Variants in JDP2 observed in about 807,000 individuals in gnomAD.
JDP2 encodes the protein Jun dimerization protein 2.
In JDP2, 9 loss-of-function variants were observed where a neutral mutation model predicts 17.1. The observed-to-expected ratio is 0.53, with a 90% CI of 0.32 to 0.92. JDP2 has a LOEUF of 0.92. JDP2 is among the 40% of genes least tolerant of loss of function. The probability of loss-of-function intolerance (pLI) is 0.04; values close to 1 mark genes in which losing one functional copy is unlikely to be tolerated. For synonymous variants in JDP2, 107 were observed against 95.6 expected (o/e 1.12, Z -0.69); for missense variants, 179 against 220.0 (o/e 0.81, Z 1.18).
At chr14:75,444,528 T>C (rs1374504263) in intron 2 of JDP2, among the ~76,000 whole-genome samples, 2 of 152,194 alleles carry the variant, frequency 1.3e-5, no homozygotes, top group Admixed American at 6.5e-5. Flanking sequence ...GCTCTCTCGC[T>C]CATTCCCAGC....
At chr14:75,447,801 G>T (rs1036798415) in intron 2 of JDP2, among the ~76,000 whole-genome samples, 1 of 152,068 alleles carries the variant, frequency 6.6e-6, no homozygotes, top group Non-Finnish European at 1.5e-5. Flanking sequence ...GGGATTACAG[G>T]TGTGTACCAC....
At chr14:75,458,823 G>T (rs1397748684) in intron 2 of JDP2, among the ~76,000 whole-genome samples, 1 of 152,214 alleles carries the variant, frequency 6.6e-6, no homozygotes, top group African/African-American at 2.4e-5. Flanking sequence ...AAGTGGGAAA[G>T]GAAGGATATC....
intron 3 of JDP2, among the ~76,000 whole-genome samples, chr14:75,468,854 A>G (rs1388551748): frequency 1.3e-5 from 2 of 152,226 alleles, no homozygotes; most frequent in Non-Finnish European, 2.9e-5. Flanking sequence ...TTGCCGTTAC[A>G]CTGCCATCTG....
chr14:75,461,671 C>G (rs1436544896), intron 3 of JDP2, 141 bp downstream of exon 3: 2 of 658,284 alleles, frequency 3.0e-6, no homozygotes, highest in African/African-American at 1.8e-5. Flanking sequence ...CCCCTCTGCT[C>G]TTTCCTACCT....
In JDP2 at chr14:75,438,239, G is replaced by T. The variant is rs908846823; in HGVS notation, c.201+118G>T. On this transcript the variant is annotated intron_variant, in intron 2 of 3. Coordinates refer to ENST00000651602, the MANE Select transcript of JDP2 (RefSeq NM_001135048.2). ...CCAGTATCATCCGTACCACCCTGGG[G>T]TTATCAGAAATGTGGAATCCCAGGC... 5.7e-5 allele frequency: 43 copies of T among 754,880 alleles called. No homozygotes were observed. The African/African-American group carries it at 7.4e-4, about 13-fold the overall frequency. The allele number at this position is 754,880 out of a possible 1,614,324, so 46.8% of individuals were successfully genotyped here.
chr14:75,461,678 A>C (rs1302124735), intron 3 of JDP2, 148 bp downstream of exon 3: 1 of 646,838 alleles, frequency 1.5e-6, no homozygotes, highest in African/African-American at 1.8e-5. Flanking sequence ...GCTCTTTCCT[A>C]CCTCCTGTTT....
At chr14:75,459,664 A>AC (rs915697909) in intron 2 of JDP2, among the ~76,000 whole-genome samples, 4 of 151,650 alleles carry the variant, frequency 2.6e-5, no homozygotes, top group Admixed American at 2.6e-4. Flanking sequence ...TGCCAGAGTC[A>AC]CCCCCCACAC....
rs541663126 is a variant in JDP2, at chr14:75,439,089, G to T, written c.201+968G>T. On this transcript the variant is annotated intron_variant, in intron 2 of 3. Transcript: ENST00000651602. ...AGAGTTCACAGGCAAAGATGAGCCT[G>T]GGGGGAGCTCGGAGGGCTGAAGTGC... 2.0e-5 allele frequency among the ~76,000 whole-genome samples: 3 copies of T among 152,160 alleles called. No individual in the cohort carries two copies. In the South Asian group the frequency reaches 6.2e-4, roughly 32 times the overall value.
At chr14:75,460,361 G>C (rs940998908) in intron 2 of JDP2, among the ~76,000 whole-genome samples, 1 of 152,186 alleles carries the variant, frequency 6.6e-6, no homozygotes, top group South Asian at 2.1e-4. Flanking sequence ...TGGGGAGACT[G>C]TTAGTGACAA....
At chr14:75,433,718 A>G (rs1270922735) in intron 1 of JDP2, among the ~76,000 whole-genome samples, 2 of 151,866 alleles carry the variant, frequency 1.3e-5, no homozygotes, top group African/African-American at 2.4e-5. Flanking sequence ...GTCAGTCGCC[A>G]TCTTGGATGT....
rs1348536077 is a variant in JDP2 at position 75,428,413 on chromosome 14, C to T, written c.-24+161C>T. On this transcript the variant is annotated intron_variant, in intron 1 of 3. Coordinates refer to ENST00000651602, the MANE Select transcript of JDP2 (RefSeq NM_001135048.2). The surrounding 1 kb of genome is among the most constrained non-coding windows in gnomAD (Gnocchi z 5.6). ...CAGCCCAGGGACCTCGAGCTTTCCC[C>T]GCGCCGGGCGCTGCAGCCGGGCCCC... 2 of 151,560 alleles carry T rather than the reference C, an allele frequency of 1.3e-5. No homozygotes were observed. The highest frequency in any genetic ancestry group is 4.8e-5 in the African/African-American group (2 of 41,284). 9.4% of individuals were successfully genotyped at this position (151,560 alleles called of 1,614,324 possible). A position where few individuals can be genotyped will look rare whatever the true frequency, so the allele number is the denominator to read the frequency against.
chr14:75,466,399 C>A (rs1333164393), intron 3 of JDP2, among the ~76,000 whole-genome samples: 2 of 152,198 alleles, frequency 1.3e-5, no homozygotes, highest in Non-Finnish European at 2.9e-5. Flanking sequence ...CAAGATCATG[C>A]CACTGCACTC....
intron 2 of JDP2, among the ~76,000 whole-genome samples, chr14:75,455,916 G>A (rs17103299): frequency 0.013 from 1,940 of 152,254 alleles, 34 homozygotes; most frequent in African/African-American, 0.044. Context: ...TTTATTGGCG[G>A]CTGCTTAAGG....
intron 2 of JDP2, among the ~76,000 whole-genome samples, chr14:75,438,930 G>A (rs1412295931): frequency 1.3e-5 from 2 of 152,348 alleles, no homozygotes; most frequent in Non-Finnish European, 2.9e-5. Context: ...CAGCAGCGCC[G>A]TTTCTTCAGA....
intron 2 of JDP2, among the ~76,000 whole-genome samples, chr14:75,449,626 T>C (rs1295539288): frequency 1.3e-5 from 2 of 152,174 alleles, no homozygotes; most frequent in African/African-American, 4.8e-5. Flanking sequence ...AGAAAACAGA[T>C]TGATTGCCTA....
chr14:75,461,371 A>G, intron 2 of JDP2, 55 bp from the exon 3 acceptor site: 9 of 1,357,516 alleles, frequency 6.6e-6, no homozygotes, highest in Non-Finnish European at 8.3e-6. Flanking sequence ...GTCAGGACAG[A>G]AACTGTACTC....
chr14:75,466,654 A>T (rs1312136398), intron 3 of JDP2, among the ~76,000 whole-genome samples: 2 of 152,184 alleles, frequency 1.3e-5, no homozygotes, highest in African/African-American at 2.4e-5. Context: ...AATTTCTAGG[A>T]GGCAGATCTA....
At chr14:75,447,806 T>C (rs916972876) in intron 2 of JDP2, among the ~76,000 whole-genome samples, 1 of 152,036 alleles carries the variant, frequency 6.6e-6, no homozygotes, top group Non-Finnish European at 1.5e-5. Context: ...TACAGGTGTG[T>C]ACCACCATGC....
intron 2 of JDP2, among the ~76,000 whole-genome samples, chr14:75,456,454 C>T (rs76076105): frequency 0.013 from 2,008 of 152,266 alleles, 15 homozygotes; most frequent in Middle Eastern, 0.02. Flanking sequence ...TGCCCGGGGG[C>T]GTGGCATGTA....
Sources: gnomAD v4.1 joint callset for allele counts (sites outside exome capture counted in the v4.1 genomes callset) on GRCh38, gnomAD v4.1.1 for gene constraint, Gnocchi (gnomAD v3.1) non-coding constraint, MANE v1.5 for transcripts, NCBI Gene and HGNC (gene_info 2026-07-23, HGNC 2026-07-21) for gene names.